Variants in FRY observed in about 807,000 individuals in gnomAD.
FRY encodes the protein FRY microtubule binding protein, also known as protein furry homolog.
FRY carries 128 observed loss-of-function variants against 348.4 expected under a neutral mutation model. That is an observed-to-expected ratio of 0.37 (90% confidence interval 0.32 to 0.43). The LOEUF is 0.43. Ranked by LOEUF, FRY falls within the 20% of genes least tolerant of loss-of-function variation. The pLI, the probability that FRY is intolerant of heterozygous loss-of-function variation, is 1.00. For missense variants in FRY, 2,736 were observed against 3,695.2 expected (o/e 0.74, Z 6.73); for synonymous variants, 1,370 against 1,374.7 (o/e 1.00, Z 0.08).
intron 50 of FRY, among the ~76,000 whole-genome samples, chr13:32,253,415 C>T (rs1028679376): frequency 9.9e-5 from 15 of 152,152 alleles, no homozygotes; most frequent in Admixed American, 6.5e-5. Flanking sequence ...TTTTCAAGGA[C>T]AACTAAGACA....
At chr13:32,292,606 A>G (rs1308245108) in intron 59 of FRY, among the ~76,000 whole-genome samples, 4 of 151,886 alleles carry the variant, frequency 2.6e-5, no homozygotes, top group African/African-American at 7.2e-5. Context: ...ATCTTGGCCA[A>G]CATGGTGAAA....
chr13:32,262,557 A>G, intron 53 of FRY, 82 bp downstream of exon 53: 1 of 1,012,650 alleles, frequency 9.9e-7, no homozygotes, highest in Non-Finnish European at 1.6e-6. Context: ...GAGAATTCTT[A>G]AGGGGTCTCA....
At chr13:32,084,624 G>A (rs965423771) in intron 2 of FRY, among the ~76,000 whole-genome samples, 1 of 152,128 alleles carries the variant, frequency 6.6e-6, no homozygotes, top group Non-Finnish European at 1.5e-5. Context: ...GTATCATTCT[G>A]TCTTGCAAAC....
intron 36 of FRY, among the ~76,000 whole-genome samples, chr13:32,219,069 C>CTA (rs1187806053): frequency 6.7e-6 from 1 of 148,824 alleles, no homozygotes; most frequent in Non-Finnish European, 1.5e-5. Flanking sequence ...TCCTGTGTTT[C>CTA]TATATATATA....
chr13:32,212,858 G>A (rs951001169), intron 35 of FRY, among the ~76,000 whole-genome samples: 2 of 151,982 alleles, frequency 1.3e-5, no homozygotes, highest in Non-Finnish European at 1.5e-5. Context: ...AAAAGTCTCC[G>A]TTCCCTCCAC....
intron 51 of FRY, 22 bp from the exon 52 acceptor site, chr13:32,261,594 C>A: frequency 6.2e-7 from 1 of 1,608,302 alleles, no homozygotes; most frequent in South Asian, 1.1e-5. Context: ...GCATAAAAAA[C>A]CGGCTGATGG....
chr13:32,182,301 A>G (rs1882763710), intron 23 of FRY, among the ~76,000 whole-genome samples: 1 of 152,236 alleles, frequency 6.6e-6, no homozygotes, highest in Non-Finnish European at 1.5e-5. Flanking sequence ...GAACAAAGAT[A>G]TATACTGTGA....
chr13:32,171,399 C>T, intron 18 of FRY, 129 bp downstream of exon 18: 1 of 743,460 alleles, frequency 1.3e-6, no homozygotes, highest in Non-Finnish European at 2.2e-6. Context: ...GCAACCTCCA[C>T]CTCCTGGTTC....
At chr13:32,099,151 G>T (rs1163731043) in intron 2 of FRY, among the ~76,000 whole-genome samples, 2 of 151,926 alleles carry the variant, frequency 1.3e-5, no homozygotes, top group Non-Finnish European at 2.9e-5. Flanking sequence ...TAGGGAACCT[G>T]CATTGGCCAA....
At chr13:32,053,926 G>T (rs1436129439) in intron 1 of FRY, among the ~76,000 whole-genome samples, 3 of 152,108 alleles carry the variant, frequency 2.0e-5, no homozygotes, top group Admixed American at 6.5e-5. Flanking sequence ...GGATGCGGAG[G>T]TTGCAATGAG....
chr13:32,208,300 T>C (rs772403692), intron 31 of FRY, among the ~76,000 whole-genome samples: 27 of 152,250 alleles, frequency 1.8e-4, no homozygotes, highest in Non-Finnish European at 2.8e-4. Flanking sequence ...AAGGTAATCA[T>C]TGGTGTTAGC....
intron 1 of FRY, among the ~76,000 whole-genome samples, chr13:32,042,832 A>G (rs467241): frequency 0.59 from 90,142 of 152,134 alleles, 27,279 homozygotes; most frequent in Non-Finnish European, 0.65. Flanking sequence ...TAGATGAATC[A>G]TGGTTCAGGC....
intron 58 of FRY, among the ~76,000 whole-genome samples, chr13:32,278,785 T>G (rs1223691533): frequency 6.6e-6 from 1 of 152,220 alleles, no homozygotes; most frequent in East Asian, 1.9e-4. Flanking sequence ...CCTTTTTTGC[T>G]GGATACTGTC....
At chr13:32,231,407 C>A in intron 41 of FRY, 107 bp downstream of exon 41, 1 of 1,080,460 alleles carries the variant, frequency 9.3e-7, no homozygotes, top group Non-Finnish European at 1.4e-6. Flanking sequence ...ACTCCACATC[C>A]ATAGCACGAG....
chr13:32,114,492 G>T (rs1346163466), intron 3 of FRY, among the ~76,000 whole-genome samples: 1 of 152,112 alleles, frequency 6.6e-6, no homozygotes, highest in Non-Finnish European at 1.5e-5. Flanking sequence ...TGCTTTATTT[G>T]TATTTCCTTT....
intron 14 of FRY, among the ~76,000 whole-genome samples, chr13:32,150,361 C>A (rs1387103428): frequency 1.3e-5 from 2 of 152,196 alleles, no homozygotes. Context: ...AGGCTGTGCA[C>A]ATGAACAGCA....
intron 51 of FRY, chr13:32,258,087 G>A (rs545572803): frequency 3.8e-5 from 31 of 808,464 alleles, no homozygotes; most frequent in Admixed American, 1.4e-4. Flanking sequence ...GCTTATTTGC[G>A]TGCATATTTC....
intron 2 of FRY, among the ~76,000 whole-genome samples, chr13:32,098,005 T>G (rs990989148): frequency 1.1e-4 from 16 of 152,184 alleles, no homozygotes; most frequent in Non-Finnish European, 2.2e-4. Context: ...ATTTTCATAT[T>G]TGAAAAAACT....
intron 55 of FRY, among the ~76,000 whole-genome samples, chr13:32,272,141 A>C (rs1449650584): frequency 1.3e-5 from 2 of 152,240 alleles, no homozygotes; most frequent in Non-Finnish European, 2.9e-5. Flanking sequence ...CATTACTAAA[A>C]TATGCTGGAA....
Sources: allele counts gnomAD v4.1 joint callset (sites outside exome capture counted in the v4.1 genomes callset), GRCh38; gene constraint gnomAD v4.1.1; transcripts MANE v1.5; gene names NCBI Gene and HGNC (gene_info 2026-07-23, HGNC 2026-07-21).